The following SMURF2 variants were observed in gnomAD, a reference collection of about 807,000 sequenced individuals.
SMURF2 encodes SMAD specific E3 ubiquitin protein ligase 2, also known as E3 ubiquitin-protein ligase SMURF2.
A neutral mutation model predicts 109.6 loss-of-function variants in SMURF2; 48 were observed. The ratio of observed to expected loss-of-function variants is 0.44; its 90% CI spans 0.35 to 0.56. The LOEUF (loss-of-function observed/expected upper bound fraction) is 0.56, where lower values mean the gene tolerates loss of function less well. Ranked by LOEUF, SMURF2 falls within the 20% of genes least tolerant of loss-of-function variation. The pLI is 0.01. For missense variants in SMURF2, 575 were observed against 909.0 expected, an observed-to-expected ratio of 0.63 and a Z score of 4.72; for synonymous variants, 288 against 317.1, an observed-to-expected ratio of 0.91 and a Z score of 0.97.
intron 1 of SMURF2, among the ~76,000 whole-genome samples, chr17:64,655,385 G>A (rs926721077): frequency 6.8e-6 from 1 of 148,088 alleles, no homozygotes; most frequent in African/African-American, 2.5e-5. Flanking sequence ...AGCCTCCCCA[G>A]TAGCTAGGAT....
chr17:64,607,181 G>A (rs1354206741), intron 1 of SMURF2, among the ~76,000 whole-genome samples: 1 of 150,856 alleles, frequency 6.6e-6, no homozygotes, highest in Non-Finnish European at 1.5e-5. Flanking sequence ...GACAAGATAT[G>A]TCTACTATAT....
chr17:64,635,924 T>C (rs782161596), intron 1 of SMURF2, among the ~76,000 whole-genome samples: 7 of 152,236 alleles, frequency 4.6e-5, no homozygotes, highest in Non-Finnish European at 1.0e-4. Flanking sequence ...GTTGAACTAC[T>C]TTACATTCCC....
rs1361576268 is a variant in SMURF2 at position 64,545,737 on chromosome 17, G to C, written c.*111C>G. The C allele has an allele frequency of 5.6e-5, 19 of 338,474 alleles. No individual in the cohort carries two copies. The highest frequency in any genetic ancestry group is 7.6e-5 in the Non-Finnish European group (15 of 196,916). 21.0% of individuals were successfully genotyped at this position (338,474 alleles called of 1,614,324 possible). Reference sequence around the variant, plus strand: ...AATGTAAAAAAAAAAAAAAAAAGGGGGGGGGGGGGAGTGTTTTCCTGTATT... The same window carrying C: ...AATGTAAAAAAAAAAAAAAAAAGGGCGGGGGGGGGAGTGTTTTCCTGTATT... On this transcript the variant is annotated 3_prime_UTR_variant, in exon 19 of 19. Transcript: ENST00000262435.
intron 5 of SMURF2, 59 bp downstream of exon 5, chr17:64,591,025 T>C (rs8068867): frequency 0.088 from 110,872 of 1,257,648 alleles, 8,985 homozygotes; most frequent in African/African-American, 0.39. Context: ...TTAAAAGGTA[T>C]TTTACACTTT....
At chr17:64,590,421 G>A (rs1969735722) in intron 5 of SMURF2, among the ~76,000 whole-genome samples, 1 of 152,104 alleles carries the variant, frequency 6.6e-6, no homozygotes, top group African/African-American at 2.4e-5. Flanking sequence ...GGGATTACAG[G>A]TGTTAGCCAC....
At chr17:64,643,505 T>C (rs782496655) in intron 1 of SMURF2, among the ~76,000 whole-genome samples, 1 of 152,190 alleles carries the variant, frequency 6.6e-6, no homozygotes, top group South Asian at 2.1e-4. Flanking sequence ...CTCTTTGTTC[T>C]CTGGCTTTAA....
chr17:64,546,390 T>C, intron 17 of SMURF2, 52 bp from the exon 18 acceptor site: 2 of 1,514,330 alleles, frequency 1.3e-6, no homozygotes, highest in Non-Finnish European at 9.1e-7. Flanking sequence ...TGCATTAGTC[T>C]CCAAAATCTT....
At chr17:64,567,333 C>T (rs1449166562) in intron 10 of SMURF2, among the ~76,000 whole-genome samples, 4 of 152,138 alleles carry the variant, frequency 2.6e-5, no homozygotes, top group Admixed American at 1.3e-4. Context: ...AATTGGAAAA[C>T]TAACAATTAT....
At chr17:64,629,842 G>C (rs114821398) in intron 1 of SMURF2, among the ~76,000 whole-genome samples, 73 of 152,242 alleles carry the variant, frequency 4.8e-4, no homozygotes, top group African/African-American at 1.7e-3. Flanking sequence ...CTCATTCAAA[G>C]TCTAACAATA....
chr17:64,544,386 G>C lies in SMURF2; in HGVS notation c.*1462C>G, dbSNP rs1398648118. On this transcript the variant is annotated 3_prime_UTR_variant, in exon 19 of 19. Coordinates refer to ENST00000262435, the MANE Select transcript of SMURF2 (RefSeq NM_022739.4). ...CAGAACACAGAGGACCTATTTACTT[G>C]ATAACTTTAAATTTTGCAGCTTAAT... 1.3e-5 allele frequency: 2 copies of C among 151,982 alleles called. No homozygotes were observed. The highest frequency in any genetic ancestry group is 2.4e-5 in the African/African-American group (1 of 41,376). 9.4% of individuals were successfully genotyped at this position (151,982 alleles called of 1,614,324 possible). A position where few individuals can be genotyped will look rare whatever the true frequency, so the allele number is the denominator to read the frequency against.
intron 1 of SMURF2, among the ~76,000 whole-genome samples, chr17:64,653,691 G>A (rs867002792): frequency 2.0e-5 from 3 of 151,920 alleles, no homozygotes; most frequent in Non-Finnish European, 4.4e-5. Context: ...CAAGCAATCC[G>A]CCCAGCAGAT....
chr17:64,566,559 T>C (rs1189869519), intron 10 of SMURF2, among the ~76,000 whole-genome samples: 1 of 118,944 alleles, frequency 8.4e-6, no homozygotes, highest in Non-Finnish European at 1.7e-5. Flanking sequence ...TTAAGCTTTC[T>C]GGTTTTTTTT....
intron 1 of SMURF2, among the ~76,000 whole-genome samples, chr17:64,646,289 C>G (rs1970558009): frequency 6.6e-6 from 1 of 151,768 alleles, no homozygotes; most frequent in Non-Finnish European, 1.5e-5. Context: ...TGGTATTGAA[C>G]TCCTGACCTC....
chr17:64,615,144 C>T (rs560825754), intron 1 of SMURF2, among the ~76,000 whole-genome samples: 1 of 152,256 alleles, frequency 6.6e-6, no homozygotes, highest in East Asian at 1.9e-4. Context: ...GAATGGCTAT[C>T]TACGCTTAAT....
chr17:64,611,948 A>C (rs782662888), intron 1 of SMURF2, among the ~76,000 whole-genome samples: 4 of 151,850 alleles, frequency 2.6e-5, no homozygotes, highest in African/African-American at 9.7e-5. Context: ...CACTTTCTCA[A>C]ATGTATCTCT....
intron 2 of SMURF2, among the ~76,000 whole-genome samples, chr17:64,602,938 A>G (rs996545081): frequency 2.6e-5 from 4 of 151,974 alleles, no homozygotes; most frequent in Admixed American, 2.6e-4. Context: ...GGAAAAAAAA[A>G]ATTTTTTTTT....
At chr17:64,614,537 A>G (rs782218713) in intron 1 of SMURF2, among the ~76,000 whole-genome samples, 2 of 152,192 alleles carry the variant, frequency 1.3e-5, no homozygotes, top group Non-Finnish European at 2.9e-5. Context: ...TTCATTCTTA[A>G]GTCTACACTC....
chr17:64,576,017 C>T (rs1235772949), intron 9 of SMURF2, among the ~76,000 whole-genome samples: 7 of 151,976 alleles, frequency 4.6e-5, no homozygotes, highest in South Asian at 2.1e-4. Context: ...CTAGCTTGGG[C>T]AACATGGCGT....
Position 64,661,908 on chromosome 17 carries a change from G to A in SMURF2, c.-28C>T, listed in dbSNP as rs1181919585. The A allele has an allele frequency of 1.7e-6, 2 of 1,172,488 alleles. No homozygotes were observed. The highest frequency in any genetic ancestry group is 2.1e-6 in the Non-Finnish European group (2 of 950,524). 72.6% of individuals were successfully genotyped at this position (1,172,488 alleles called of 1,614,324 possible). On this transcript the variant is annotated 5_prime_UTR_variant, in exon 1 of 19. Transcript: ENST00000262435. ...CCCCGGCGGCGGGGGCGGCGGGGGCGGCGGGCGGCACGGGGGCGACGGCGA... is the reference window on the plus strand; with the variant it reads ...CCCCGGCGGCGGGGGCGGCGGGGGCAGCGGGCGGCACGGGGGCGACGGCGA...
Sources: allele counts gnomAD v4.1 joint callset (sites outside exome capture counted in the v4.1 genomes callset), GRCh38; gene constraint gnomAD v4.1.1; transcripts MANE v1.5; gene names NCBI Gene and HGNC (gene_info 2026-07-23, HGNC 2026-07-21).